Variants in SMARCAL1 observed in about 807,000 individuals in gnomAD.
SMARCAL1 encodes the protein SNF2 related chromatin remodeling annealing helicase 1.
Under a neutral mutation model 94.5 loss-of-function variants are expected in SMARCAL1, and 58 were observed. That is an observed-to-expected ratio of 0.61 (90% CI 0.50 to 0.76). The LOEUF is 0.76. Among genes scored for constraint, SMARCAL1 ranks in the 30% least tolerant of loss-of-function variants. The pLI, the probability that SMARCAL1 is intolerant of heterozygous loss-of-function variation, is 0.00. For missense variants in SMARCAL1, 1,051 were observed against 1,177.9 expected, an observed-to-expected ratio of 0.89 and a Z score of 1.58; for synonymous variants, 422 against 455.1, an observed-to-expected ratio of 0.93 and a Z score of 0.93.
chr2:216,420,288 T>C lies in SMARCAL1; in HGVS notation c.863-11T>C. On this transcript the variant is annotated splice_polypyrimidine_tract_variant and intron_variant, in intron 4 of 17. Transcript: ENST00000357276. ...CTTTATCACTTCTGTTCGATTCTTC[T>C]TCTTTGGCAGTGAAAGCAGCCCAGA... 6.2e-7 allele frequency: 1 copy of C among 1,608,480 alleles called. No homozygotes were observed. Among genetic ancestry groups the C allele is most frequent in the Non-Finnish European group, 8.5e-7 (1 of 1,175,178 alleles).
intron 7 of SMARCAL1, among the ~76,000 whole-genome samples, chr2:216,429,302 C>A (rs1259287729): frequency 6.6e-6 from 1 of 152,142 alleles, no homozygotes; most frequent in Non-Finnish European, 1.5e-5. Flanking sequence ...GCCTTGGAGG[C>A]TTGAGGTCTT....
At chr2:216,424,708 A>G (rs960227757) in intron 6 of SMARCAL1, among the ~76,000 whole-genome samples, 1 of 152,152 alleles carries the variant, frequency 6.6e-6, no homozygotes, top group Non-Finnish European at 1.5e-5. Flanking sequence ...TTTAATCTCT[A>G]TCTGCTCTCC....
chr2:216,422,198 A>G (rs1221882525), intron 5 of SMARCAL1, among the ~76,000 whole-genome samples: 3 of 152,130 alleles, frequency 2.0e-5, no homozygotes, highest in African/African-American at 7.2e-5. Context: ...CCTGGCCAAC[A>G]TGGTGAAACC....
chr2:216,415,559 T>A (rs1319608384), intron 3 of SMARCAL1, 44 bp downstream of exon 3: 10 of 1,492,818 alleles, frequency 6.7e-6, no homozygotes, highest in African/African-American at 1.4e-5. Flanking sequence ...TTTTTCTTAT[T>A]TTTGGAGTCT....
intron 17 of SMARCAL1, among the ~76,000 whole-genome samples, chr2:216,481,196 T>G (rs1009897754): frequency 1.3e-5 from 2 of 152,082 alleles, no homozygotes; most frequent in Admixed American, 6.6e-5. Context: ...ATTTATTTAT[T>G]TATTTATTTA....
chr2:216,456,473 C>T (rs1316648865), intron 12 of SMARCAL1, among the ~76,000 whole-genome samples: 1 of 152,178 alleles, frequency 6.6e-6, no homozygotes, highest in Non-Finnish European at 1.5e-5. Flanking sequence ...CAAAGGGAAG[C>T]CCATCAGACT....
intron 14 of SMARCAL1, among the ~76,000 whole-genome samples, chr2:216,469,320 C>T (rs2106078917): frequency 7.4e-6 from 1 of 134,602 alleles, no homozygotes; most frequent in East Asian, 2.2e-4. Context: ...CTTGCTCTGT[C>T]CCCCAGGCTG....
At chr2:216,441,722 A>C (rs480842) in intron 10 of SMARCAL1, among the ~76,000 whole-genome samples, 1 of 152,004 alleles carries the variant, frequency 6.6e-6, no homozygotes, top group African/African-American at 2.4e-5. Flanking sequence ...TGACCTTTTT[A>C]GGGGAGGCCT....
chr2:216,437,933 C>T (rs771521854), intron 9 of SMARCAL1, among the ~76,000 whole-genome samples: 6 of 152,210 alleles, frequency 3.9e-5, no homozygotes, highest in African/African-American at 7.2e-5. Context: ...TGTTTACACT[C>T]GCCTCAGTGA....
At chr2:216,428,887 G>T in intron 7 of SMARCAL1, 105 bp downstream of exon 7, 2 of 1,075,018 alleles carry the variant, frequency 1.9e-6, no homozygotes, top group South Asian at 1.3e-5. Context: ...ATTTACCATG[G>T]ATAGATGAAA....
At chr2:216,422,171 C>T (rs191776279) in intron 5 of SMARCAL1, among the ~76,000 whole-genome samples, 1 of 152,122 alleles carries the variant, frequency 6.6e-6, no homozygotes, top group African/African-American at 2.4e-5. Context: ...CCTGAGGTCA[C>T]AGGAGTTCGA....
chr2:216,446,850 A>G, intron 10 of SMARCAL1, 168 bp from the exon 11 acceptor site: 3 of 725,248 alleles, frequency 4.1e-6, no homozygotes, highest in African/African-American at 1.7e-5. Context: ...GGATTTAAAG[A>G]AAAGGAGATG....
chr2:216,470,111 A>G (rs1218424994), intron 14 of SMARCAL1, among the ~76,000 whole-genome samples: 2 of 151,872 alleles, frequency 1.3e-5, no homozygotes, highest in Admixed American at 1.3e-4. Context: ...TTCTTTATAA[A>G]TTCTGGATAT....
At chr2:216,444,668 G>A (rs1254530735) in intron 10 of SMARCAL1, among the ~76,000 whole-genome samples, 3 of 152,074 alleles carry the variant, frequency 2.0e-5, no homozygotes, top group Non-Finnish European at 4.4e-5. Context: ...CAGGTGTGCA[G>A]CACTGCACCT....
chr2:216,468,816 G>A (rs284530), intron 14 of SMARCAL1, among the ~76,000 whole-genome samples: 36,637 of 152,002 alleles, frequency 0.24, 4,927 homozygotes, highest in East Asian at 0.36. Context: ...CGCTTCTCAG[G>A]TTCAAGTGAT....
chr2:216,444,219 A>G (rs960940566), intron 10 of SMARCAL1, among the ~76,000 whole-genome samples: 1 of 152,154 alleles, frequency 6.6e-6, no homozygotes, highest in African/African-American at 2.4e-5. Flanking sequence ...TCTTATTTCT[A>G]AATTGAATAT....
In SMARCAL1 at chr2:216,414,883, A is replaced by C. The variant is rs766086132; in HGVS notation, c.179A>C (p.Glu60Ala). 1.2e-6 allele frequency: 2 copies of C among 1,614,084 alleles called. No individual in the cohort carries two copies. The highest frequency in any genetic ancestry group is 1.7e-6 in the Non-Finnish European group (2 of 1,180,048). ...GGCCCATCCCAAAATTTCCCAAGGGAGTCTTGTAAGCCAGTGAGCCATGGT... is the reference window on the plus strand; with the variant it reads ...GGCCCATCCCAAAATTTCCCAAGGGCGTCTTGTAAGCCAGTGAGCCATGGT... ...KQGPSQNFPRESCKPVSHGVI... is the reference protein window; with the variant it reads ...KQGPSQNFPRASCKPVSHGVI... Residue 60 changes from glutamate (E) to alanine (A), a missense_variant, in exon 3 of 18, where the codon GAG becomes GCG. Glu to Ala is a moderately radical substitution (Grantham distance 107). This residue lies in a region of SMARCAL1 where 398 missense variants were observed against 395.2 expected (regional missense o/e 1.01). Transcript: ENST00000357276.
chr2:216,475,560 A>C lies in SMARCAL1; in HGVS notation c.2427+109A>C. On this transcript the variant is annotated intron_variant, in intron 15 of 17. Transcript: ENST00000357276. This position sits in a 1 kb window ranked among gnomAD's most constrained non-coding sequence, Gnocchi z 4.4. Reference sequence around the variant, plus strand: ...GTGGTTTCCCTTTTATCCATTCATTATACTTCCCACAAGTCAGTTTTCACT... The same window carrying C: ...GTGGTTTCCCTTTTATCCATTCATTCTACTTCCCACAAGTCAGTTTTCACT... The C allele has an allele frequency of 1.8e-6, 2 of 1,109,390 alleles. No homozygotes were observed. The highest frequency in any genetic ancestry group is 3.6e-5 in the Admixed American group (2 of 54,862). The allele number at this position is 1,109,390 out of a possible 1,614,324, so 68.7% of individuals were successfully genotyped here.
intron 12 of SMARCAL1, among the ~76,000 whole-genome samples, chr2:216,463,646 C>T (rs887578234): frequency 1.3e-5 from 2 of 152,108 alleles, no homozygotes; most frequent in African/African-American, 4.8e-5. Context: ...TATTAGGAGT[C>T]ACTTAAATGT....
Sources: allele counts gnomAD v4.1 joint callset (sites outside exome capture counted in the v4.1 genomes callset), GRCh38; gene constraint gnomAD v4.1.1; regional missense constraint gnomAD v4.1.1; non-coding constraint Gnocchi (gnomAD v3.1); transcripts MANE v1.5; gene names NCBI Gene and HGNC (gene_info 2026-07-23, HGNC 2026-07-21).